The following NALF1 variants were observed in gnomAD, a reference collection of about 807,000 sequenced individuals.
NALF1 encodes the protein family with sequence similarity 155 member A.
Under a neutral mutation model 48.4 loss-of-function variants are expected in NALF1, and 3 were observed. That is an observed-to-expected ratio of 0.06 (90% CI 0.03 to 0.16). NALF1 has a LOEUF of 0.16. Among genes scored for constraint, NALF1 ranks in the 10% least tolerant of loss-of-function variants. NALF1 has a pLI of 1.00. For synonymous variants in NALF1, 262 were observed against 245.7 expected, an observed-to-expected ratio of 1.07 and a Z score of -0.62; for missense variants, 526 against 571.5, an observed-to-expected ratio of 0.92 and a Z score of 0.81.
intron 1 of NALF1, among the ~76,000 whole-genome samples, chr13:107,670,464 G>A (rs1274340454): frequency 6.6e-6 from 1 of 152,112 alleles, no homozygotes; most frequent in Non-Finnish European, 1.5e-5. Flanking sequence ...TCAGTGATAA[G>A]ACTATCTTTT....
intron 1 of NALF1, among the ~76,000 whole-genome samples, chr13:107,649,479 G>A (rs1230828092): frequency 6.6e-6 from 1 of 152,088 alleles, no homozygotes; most frequent in Non-Finnish European, 1.5e-5. Flanking sequence ...TAAAATGATT[G>A]AATCAGATAT....
intron 1 of NALF1, among the ~76,000 whole-genome samples, chr13:107,771,408 TAC>T (rs1234189104): frequency 4.0e-5 from 6 of 151,642 alleles, no homozygotes; most frequent in Non-Finnish European, 7.4e-5. Context: ...ATTTTATGCA[TAC>T]ACATATATAA....
At position 107,747,873 on chromosome 13, in the gene NALF1, ATACTAAATGTAAT is replaced by A. The variant is rs796199228; in HGVS notation, c.915+117796_915+117808del. On this transcript the variant is annotated intron_variant, in intron 1 of 2. Transcript: ENST00000375915. ...CGCACAACTTAAGGTAAAATATTTCATACTAAATGTAATTATTTCTGATTTGTCTCCTGTATGC... is the reference window on the plus strand; with the variant it reads ...CGCACAACTTAAGGTAAAATATTTCATATTTCTGATTTGTCTCCTGTATGC... Among the ~76,000 whole-genome samples, 3 of 152,194 alleles carry A rather than the reference ATACTAAATGTAAT, an allele frequency of 2.0e-5. No individual in the cohort carries two copies. The South Asian group carries it at 6.2e-4, about 32-fold the overall frequency.
At chr13:107,540,455 ATATCC>A (rs1457998326) in intron 1 of NALF1, among the ~76,000 whole-genome samples, 1 of 152,134 alleles carries the variant, frequency 6.6e-6, no homozygotes, top group Non-Finnish European at 1.5e-5. Flanking sequence ...GTTGTATCAT[ATATCC>A]TAAAGTTGCA....
intron 1 of NALF1, among the ~76,000 whole-genome samples, chr13:107,818,156 A>C (rs1879230423): frequency 6.6e-6 from 1 of 152,120 alleles, no homozygotes. Context: ...TTTTCTGACT[A>C]GGTCAAGTGC....
intron 1 of NALF1, among the ~76,000 whole-genome samples, chr13:107,535,261 T>G (rs949463246): frequency 6.6e-6 from 1 of 152,120 alleles, no homozygotes; most frequent in Non-Finnish European, 1.5e-5. Flanking sequence ...CTTGTGCCAG[T>G]TTTCCAAGGG....
chr13:107,504,218 T>C (rs1594098932), intron 1 of NALF1, among the ~76,000 whole-genome samples: 1 of 137,038 alleles, frequency 7.3e-6, no homozygotes, highest in African/African-American at 2.8e-5. Context: ...ACCATTGCAC[T>C]CCAGCCTGGA....
intron 1 of NALF1, among the ~76,000 whole-genome samples, chr13:107,467,329 A>G (rs1231603559): frequency 6.6e-6 from 1 of 152,240 alleles, no homozygotes; most frequent in African/African-American, 2.4e-5. Flanking sequence ...TACTTTCATT[A>G]CTAAGAGACT....
rs977796433 is a variant in NALF1 at position 107,318,686 on chromosome 13, C to T, written c.916-107931G>A. Among the ~76,000 whole-genome samples, 9 of 152,152 alleles carry T rather than the reference C, an allele frequency of 5.9e-5. No individual in the cohort carries two copies. In the South Asian group the frequency reaches 6.2e-4, roughly 11 times the overall value. On this transcript the variant is annotated intron_variant, in intron 1 of 2. Coordinates refer to ENST00000375915, the MANE Select transcript of NALF1 (RefSeq NM_001080396.3). ...TGAACATTCACACCCTTTGCCCCAA[C>T]GATTCTACTTTTACTAATTTTTCCT... is the stretch of plus-strand genomic sequence containing the variant.
chr13:107,716,665 G>A (rs927988964), intron 1 of NALF1, among the ~76,000 whole-genome samples: 1 of 152,122 alleles, frequency 6.6e-6, no homozygotes, highest in African/African-American at 2.4e-5. Flanking sequence ...CAGGAGATGT[G>A]ACTATATTTA....
At chr13:107,367,078 A>G (rs1719086500) in intron 1 of NALF1, among the ~76,000 whole-genome samples, 1 of 152,236 alleles carries the variant, frequency 6.6e-6, no homozygotes, top group African/African-American at 2.4e-5. Flanking sequence ...GGATGAAAAC[A>G]AAAGGGCAAA....
chr13:107,225,391 C>T (rs182656062), intron 1 of NALF1, among the ~76,000 whole-genome samples: 1 of 152,206 alleles, frequency 6.6e-6, no homozygotes, highest in East Asian at 1.9e-4. Context: ...ATCTTTCTGC[C>T]TCAGCCTCCT....
intron 1 of NALF1, among the ~76,000 whole-genome samples, chr13:107,502,967 C>G (rs186969487): frequency 6.6e-6 from 1 of 152,306 alleles, no homozygotes; most frequent in Non-Finnish European, 1.5e-5. Flanking sequence ...AAGAGGCAGC[C>G]CAGTTAGTTA....
chr13:107,714,184 A>C (rs533052863), intron 1 of NALF1, among the ~76,000 whole-genome samples: 1 of 152,340 alleles, frequency 6.6e-6, no homozygotes, highest in South Asian at 2.1e-4. Flanking sequence ...TGTTGATATA[A>C]AGAATCTTTT....
In NALF1 at chr13:107,752,001, T is replaced by C. The variant is rs143465183; in HGVS notation, c.915+113681A>G. Among the ~76,000 whole-genome samples the C allele has an allele frequency of 2.3e-3, 346 of 152,190 alleles. 1 individual carries two copies. The highest frequency in any genetic ancestry group is 7.2e-3 in the African/African-American group (298 of 41,540). On this transcript the variant is annotated intron_variant, in intron 1 of 2. Coordinates refer to ENST00000375915, the MANE Select transcript of NALF1 (RefSeq NM_001080396.3). ...TTAGTATTCTATCAAATTTCAAACA[T>C]ATTAATATTTATATTAATGTTTTAG...
intron 1 of NALF1, among the ~76,000 whole-genome samples, chr13:107,764,412 A>G (rs1877365360): frequency 6.6e-6 from 1 of 152,078 alleles, no homozygotes; most frequent in African/African-American, 2.4e-5. Flanking sequence ...ATGTGTGTGT[A>G]TATATAACAC....
At chr13:107,195,710 C>A (rs1258304939) in intron 2 of NALF1, among the ~76,000 whole-genome samples, 1 of 152,114 alleles carries the variant, frequency 6.6e-6, no homozygotes, top group Non-Finnish European at 1.5e-5. Flanking sequence ...ACAATCGGTT[C>A]TTAGTAAATG....
At chr13:107,686,553 C>G (rs966354333) in intron 1 of NALF1, among the ~76,000 whole-genome samples, 3 of 152,086 alleles carry the variant, frequency 2.0e-5, no homozygotes, top group African/African-American at 7.2e-5. Flanking sequence ...GCCACCACAC[C>G]TAGCTAATTT....
At chr13:107,742,939 G>A (rs1379430526) in intron 1 of NALF1, among the ~76,000 whole-genome samples, 2 of 152,208 alleles carry the variant, frequency 1.3e-5, no homozygotes, top group African/African-American at 4.8e-5. Flanking sequence ...TTGGCCTGGA[G>A]GAGTATGGCA....
Sources: allele counts gnomAD v4.1 joint callset (sites outside exome capture counted in the v4.1 genomes callset), GRCh38; gene constraint gnomAD v4.1.1; transcripts MANE v1.5; gene names NCBI Gene and HGNC (gene_info 2026-07-23, HGNC 2026-07-21).